Variants in PACS2 observed in about 807,000 individuals in gnomAD.
PACS2 encodes PACS1-like protein.
In PACS2, 36 loss-of-function variants were observed where a neutral mutation model predicts 113.0. That is an observed-to-expected ratio of 0.32 (90% confidence interval 0.24 to 0.42). The LOEUF (loss-of-function observed/expected upper bound fraction) is 0.42. Among genes scored for constraint, PACS2 ranks in the 10% least tolerant of loss-of-function variants. The probability of loss-of-function intolerance (pLI) is 1.00; values close to 1 mark genes in which losing one functional copy is unlikely to be tolerated. For synonymous variants in PACS2, 589 were observed against 536.1 expected (o/e 1.10, Z -1.36); for missense variants, 1,015 against 1,239.5 (o/e 0.82, Z 2.72).
In PACS2 at chr14:105,326,365, C is replaced by T. The variant is rs587756049; in HGVS notation, c.119+11328C>T. Among the ~76,000 whole-genome samples, 13 of 152,360 alleles carry T rather than the reference C, an allele frequency of 8.5e-5. No homozygotes were observed. In the East Asian group the frequency reaches 2.5e-3, roughly 29 times the overall value. On this transcript the variant is annotated intron_variant, in intron 1 of 24. Transcript: ENST00000447393. ...TTTGAGGGTGGACATACCAGACATC[C>T]TGCATCTTCCCAGTCGCCCCAGGAG...
upstream of PACS2, among the ~76,000 whole-genome samples, chr14:105,311,501 C>G (rs186534479): frequency 7.2e-4 from 109 of 152,264 alleles, no homozygotes; most frequent in Middle Eastern, 3.4e-3. Context: ...GGGATCTGTG[C>G]GCTTTGGCCT....
At position 105,314,981 on chromosome 14, in the gene PACS2, C is replaced by T; in HGVS notation, c.63C>T (p.Pro21=). Residue 21 remains proline (P), a synonymous_variant, in exon 1 of 25, where the codon CCC becomes CCT. Transcript: ENST00000447393. ...GAPGALNTPV[P]MNLFATWEVD... ...CCGGCGCGCTCAACACGCCCGTGCC[C>T]ATGAACCTGTTCGCCACCTGGGAGG... The T allele has an allele frequency of 8.0e-7, 1 of 1,246,588 alleles. No individual in the cohort carries two copies. The highest frequency in any genetic ancestry group is 1.0e-6 in the Non-Finnish European group (1 of 973,368). 77.2% of individuals were successfully genotyped at this position (1,246,588 alleles called of 1,614,324 possible). A position where few individuals can be genotyped will look rare whatever the true frequency, so the allele number is the denominator to read the frequency against.
At chr14:105,353,801 C>T (rs2060326937) in intron 3 of PACS2, among the ~76,000 whole-genome samples, 1 of 152,118 alleles carries the variant, frequency 6.6e-6, no homozygotes, top group African/African-American at 2.4e-5. Flanking sequence ...ACCATGTCGG[C>T]CAGGCTGGTC....
At chr14:105,301,919 G>A (rs2058044239) in intron 1 of PACS2, among the ~76,000 whole-genome samples, 1 of 152,150 alleles carries the variant, frequency 6.6e-6, no homozygotes, top group African/African-American at 2.4e-5. Flanking sequence ...GGCGGATCAC[G>A]TAAGGTGAGG....
In PACS2 at chr14:105,384,034, C is replaced by T. The variant is rs369622624; in HGVS notation, c.1781-319C>T. 82 of 374,818 alleles carry T rather than the reference C, an allele frequency of 2.2e-4. 1 individual carries two copies. Among genetic ancestry groups the T allele is most frequent in the South Asian group, 1.7e-3 (57 of 32,730 alleles). 23.2% of individuals were successfully genotyped at this position (374,818 alleles called of 1,614,324 possible). A position where few individuals can be genotyped will look rare whatever the true frequency, so the allele number is the denominator to read the frequency against. On this transcript the variant is annotated intron_variant, in intron 16 of 24. Coordinates refer to ENST00000447393, the MANE Select transcript of PACS2 (RefSeq NM_001100913.3). ...CAAGGCCTGGAGGCGACACCTCTCC[C>T]GTGTGGCCCTCACGATGCCGACGTC...
In PACS2 at chr14:105,392,817, C is replaced by T. The variant is rs782285035; in HGVS notation, c.2454C>T (p.Thr818=). The T allele has an allele frequency of 1.0e-5, 16 of 1,606,692 alleles. No individual in the cohort carries two copies. Among genetic ancestry groups the T allele is most frequent in the African/African-American group, 1.3e-5 (1 of 74,900 alleles). The part of the protein sequence containing the change: ...EAAATPTMSM[T]VVTKEKNKKV... The stretch of plus-strand genomic sequence containing the variant: ...CAGCCACGCCCACCATGTCCATGAC[C>T]GTGGTCACCAAGGAGAAGAACAAGA... The change falls in exon 23 of 25, where the codon ACC becomes ACT. Residue 818 remains threonine, a synonymous_variant. Coordinates refer to ENST00000447393, the MANE Select transcript of PACS2 (RefSeq NM_001100913.3).
intron 23 of PACS2, 145 bp downstream of exon 23, chr14:105,392,990 C>T: frequency 1.4e-6 from 1 of 707,166 alleles, no homozygotes; most frequent in Non-Finnish European, 2.4e-6. Context: ...GGTGAGGGAG[C>T]CTGAATCCTG....
chr14:105,307,823 T>A (rs1249850903), intron 1 of PACS2, among the ~76,000 whole-genome samples: 1 of 152,242 alleles, frequency 6.6e-6, no homozygotes, highest in East Asian at 1.9e-4. Context: ...GGCAAGTCCC[T>A]GTTCCTGTCT....
chr14:105,320,937 G>T (rs1461840884), intron 1 of PACS2, among the ~76,000 whole-genome samples: 4 of 152,316 alleles, frequency 2.6e-5, no homozygotes, highest in Non-Finnish European at 5.9e-5. Flanking sequence ...TGGATTACCG[G>T]AGGTTAGGAG....
chr14:105,325,940 G>A (rs2059086699), intron 1 of PACS2, among the ~76,000 whole-genome samples: 1 of 152,222 alleles, frequency 6.6e-6, no homozygotes, highest in South Asian at 2.1e-4. Context: ...TCTGCATCAG[G>A]ACAGAGGTGA....
At chr14:105,385,630 G>GGTC (rs1299251041) in intron 18 of PACS2, 55 bp from the exon 19 acceptor site, 2 of 1,314,596 alleles carry the variant, frequency 1.5e-6, no homozygotes, top group Non-Finnish European at 2.1e-6. Context: ...TCCCTGGAGG[G>GGTC]GTCCTGAGGG....
At chr14:105,363,587 A>G (rs1246109064) in intron 4 of PACS2, among the ~76,000 whole-genome samples, 1 of 152,158 alleles carries the variant, frequency 6.6e-6, no homozygotes, top group Non-Finnish European at 1.5e-5. Context: ...GCTTTGGCTT[A>G]AAGGAGTGTT....
rs151012267 is a variant in PACS2 at position 105,375,886 on chromosome 14, C to A, written c.802-882C>A. Among the ~76,000 whole-genome samples the A allele has an allele frequency of 3.0e-3, 459 of 152,284 alleles. 2 individuals are homozygous for A. Among genetic ancestry groups the A allele is most frequent in the African/African-American group, 9.9e-3 (413 of 41,544 alleles). ...GGTGATCTGTTAGACTGGGGTCCAC[C>A]CACTCAGTGGCGCACTGCAGAACCA... On this transcript the variant is annotated intron_variant, in intron 8 of 24. Coordinates refer to ENST00000447393, the MANE Select transcript of PACS2 (RefSeq NM_001100913.3).
chr14:105,383,908 C>A (rs76350803), intron 16 of PACS2: 4,619 of 270,616 alleles, frequency 0.017, 251 homozygotes, highest in African/African-American at 0.098. Flanking sequence ...CCTCTCAAAT[C>A]GTCCAGGTCC....
intron 4 of PACS2, among the ~76,000 whole-genome samples, chr14:105,361,482 C>T (rs1421559635): frequency 2.0e-5 from 3 of 151,984 alleles, no homozygotes; most frequent in Admixed American, 6.5e-5. Context: ...ACTAAAAGTA[C>T]AACAATTAGC....
At chr14:105,316,242 C>G (rs1006237026) in intron 1 of PACS2, among the ~76,000 whole-genome samples, 26 of 152,248 alleles carry the variant, frequency 1.7e-4, no homozygotes, top group African/African-American at 5.8e-4. Flanking sequence ...CATATGAGAC[C>G]TAAGGGTCAG....
chr14:105,322,932 A>G (rs1014215628), intron 1 of PACS2, among the ~76,000 whole-genome samples: 3 of 152,204 alleles, frequency 2.0e-5, no homozygotes, highest in African/African-American at 7.2e-5. Context: ...CACCCTGAGC[A>G]GGGCGTGTGC....
At chr14:105,362,440 A>G (rs1247794520) in intron 4 of PACS2, among the ~76,000 whole-genome samples, 2 of 151,508 alleles carry the variant, frequency 1.3e-5, no homozygotes, top group African/African-American at 4.9e-5. Flanking sequence ...AGAAAAGAAA[A>G]AAAAAGAATG....
At chr14:105,333,156 C>T (rs587614877) in intron 1 of PACS2, among the ~76,000 whole-genome samples, 4 of 152,302 alleles carry the variant, frequency 2.6e-5, no homozygotes, top group African/African-American at 9.6e-5. Context: ...CCCATGCACG[C>T]GTGTGCACAC....
Sources: gnomAD v4.1 joint callset for allele counts (sites outside exome capture counted in the v4.1 genomes callset) on GRCh38, gnomAD v4.1.1 for gene constraint, MANE v1.5 for transcripts, NCBI Gene and HGNC (gene_info 2026-07-23, HGNC 2026-07-21) for gene names.